Variants in SNX29 observed in about 807,000 individuals in gnomAD.
The protein encoded by SNX29 is sorting nexin-29.
A neutral mutation model predicts 102.1 loss-of-function variants in SNX29; 78 were observed. That is an observed-to-expected ratio of 0.76 (90% CI 0.64 to 0.92). SNX29 has a LOEUF of 0.92. SNX29 is among the 40% of genes least tolerant of loss of function. The pLI is 0.00. For missense variants in SNX29, 1,280 were observed against 1,061.7 expected (o/e 1.21, Z -2.86); for synonymous variants, 580 against 414.5 (o/e 1.40, Z -4.85).
chr16:12,481,831 G>A (rs1352045980), intron 19 of SNX29, among the ~76,000 whole-genome samples: 1 of 152,178 alleles, frequency 6.6e-6, no homozygotes, highest in Non-Finnish European at 1.5e-5. Flanking sequence ...AACAGGAGGG[G>A]CCATACCCGG....
chr16:12,416,934 T>C (rs939869088), intron 18 of SNX29, among the ~76,000 whole-genome samples: 1 of 145,392 alleles, frequency 6.9e-6, no homozygotes, highest in African/African-American at 2.9e-5. Context: ...GACAAACATA[T>C]CAACCCCATA....
intron 11 of SNX29, among the ~76,000 whole-genome samples, chr16:12,101,994 C>T (rs950868246): frequency 6.6e-6 from 1 of 152,134 alleles, no homozygotes; most frequent in East Asian, 1.9e-4. Context: ...TCAACTCCCA[C>T]CTATGAGTGA....
At chr16:12,560,803 G>C (rs1022324089) in intron 20 of SNX29, 1 of 178,378 alleles carries the variant, frequency 5.6e-6, no homozygotes, top group Non-Finnish European at 1.2e-5. Flanking sequence ...TTAAGATTAG[G>C]ATGGTAATTA....
intron 15 of SNX29, among the ~76,000 whole-genome samples, chr16:12,292,708 C>G (rs2079841615): frequency 6.6e-6 from 1 of 152,178 alleles, no homozygotes; most frequent in Non-Finnish European, 1.5e-5. Flanking sequence ...TAGAAACATC[C>G]CCCGATATGT....
chr16:12,054,284 C>A (rs2050429920), intron 8 of SNX29, among the ~76,000 whole-genome samples: 1 of 152,204 alleles, frequency 6.6e-6, no homozygotes, highest in South Asian at 2.1e-4. Flanking sequence ...AAATGTTTTT[C>A]ATGTTTCTAC....
At position 12,529,485 on chromosome 16, in the gene SNX29, C is replaced by T. The variant is rs540558746; in HGVS notation, c.2318+4644C>T. Among the ~76,000 whole-genome samples, 70 of 152,202 alleles carry T rather than the reference C, an allele frequency of 4.6e-4. No individual in the cohort carries two copies. In the South Asian group the frequency reaches 0.013, roughly 28 times the overall value. ...ATCGGTGACAGCTTCAGTGATTTGC[C>T]GTGCTGTCATTTAGCGCATTATTAA... On this transcript the variant is annotated intron_variant, in intron 20 of 20. Transcript: ENST00000566228.
At chr16:12,204,861 G>A (rs533942183) in intron 14 of SNX29, among the ~76,000 whole-genome samples, 6 of 152,200 alleles carry the variant, frequency 3.9e-5, no homozygotes, top group African/African-American at 1.2e-4. Flanking sequence ...AGCGATTCCC[G>A]ATTCCACTCC....
At chr16:12,564,228 G>A (rs1024687473) in intron 20 of SNX29, among the ~76,000 whole-genome samples, 1 of 152,010 alleles carries the variant, frequency 6.6e-6, no homozygotes, top group Non-Finnish European at 1.5e-5. Context: ...ACATCTCTAA[G>A]AGAAAAAAAT....
chr16:12,156,308 G>A (rs1206613266), intron 13 of SNX29, among the ~76,000 whole-genome samples: 1 of 152,184 alleles, frequency 6.6e-6, no homozygotes, highest in Non-Finnish European at 1.5e-5. Context: ...TGAGTAGCTG[G>A]GACTACAGGC....
intron 18 of SNX29, among the ~76,000 whole-genome samples, chr16:12,422,480 C>A (rs572677946): frequency 6.6e-6 from 1 of 152,212 alleles, no homozygotes; most frequent in Non-Finnish European, 1.5e-5. Flanking sequence ...TCTTCCAAAT[C>A]CCCTGCTGCA....
chr16:12,565,003 T>TCTA (rs1266475148), intron 20 of SNX29, among the ~76,000 whole-genome samples: 1 of 151,846 alleles, frequency 6.6e-6, no homozygotes, highest in Non-Finnish European at 1.5e-5. Context: ...AGCCCATGTC[T>TCTA]CTACTGTTGG....
intron 20 of SNX29, among the ~76,000 whole-genome samples, chr16:12,559,805 C>T (rs1342621417): frequency 1.3e-5 from 2 of 152,144 alleles, no homozygotes; most frequent in Non-Finnish European, 2.9e-5. Context: ...TACTATCTTC[C>T]AGGCCATTTC....
At chr16:12,357,403 C>A (rs1214432921) in intron 16 of SNX29, among the ~76,000 whole-genome samples, 2 of 152,156 alleles carry the variant, frequency 1.3e-5, no homozygotes, top group African/African-American at 4.8e-5. Flanking sequence ...TCATCACAGT[C>A]AGTGTTCAAA....
At chr16:12,276,530 G>C (rs764500126) in intron 14 of SNX29, among the ~76,000 whole-genome samples, 1 of 152,136 alleles carries the variant, frequency 6.6e-6, no homozygotes, top group Non-Finnish European at 1.5e-5. Context: ...TCACTGGGGG[G>C]CTAGTCTCAG....
At chr16:12,059,357 C>G (rs889816021) in intron 8 of SNX29, among the ~76,000 whole-genome samples, 1 of 152,212 alleles carries the variant, frequency 6.6e-6, no homozygotes, top group South Asian at 2.1e-4. Context: ...CAGGAGGGCG[C>G]CTCTTGACAG....
intron 16 of SNX29, chr16:12,375,118 C>A (rs561168257): frequency 6.6e-6 from 1 of 152,212 alleles, no homozygotes; most frequent in South Asian, 2.1e-4. Flanking sequence ...GCGAGTGTAG[C>A]AAGAATCCTG....
At chr16:12,030,376 T>A (rs1248383387) in intron 4 of SNX29, among the ~76,000 whole-genome samples, 4 of 152,234 alleles carry the variant, frequency 2.6e-5, no homozygotes, top group African/African-American at 9.6e-5. Context: ...AATTCTGATC[T>A]TCATCCATAT....
chr16:12,245,896 C>T (rs529579258), intron 14 of SNX29, among the ~76,000 whole-genome samples: 2 of 152,282 alleles, frequency 1.3e-5, no homozygotes, highest in South Asian at 4.1e-4. Flanking sequence ...GTGTTTGGAC[C>T]TATCAGTCAT....
intron 14 of SNX29, among the ~76,000 whole-genome samples, chr16:12,200,155 C>G (rs1284785800): frequency 6.6e-6 from 1 of 152,156 alleles, no homozygotes; most frequent in African/African-American, 2.4e-5. Context: ...TTGACAGCAC[C>G]TACCTCATGA....
Sources: gnomAD v4.1 joint callset for allele counts (sites outside exome capture counted in the v4.1 genomes callset) on GRCh38, gnomAD v4.1.1 for gene constraint, MANE v1.5 for transcripts, NCBI Gene and HGNC (gene_info 2026-07-23, HGNC 2026-07-21) for gene names.